ANKS1B: variants seen among roughly 807,000 people sequenced by gnomAD.
ANKS1B encodes ankyrin repeat and sterile alpha motif domain containing 1B, also known as ankyrin repeat and sterile alpha motif domain-containing protein 1B.
In ANKS1B, 36 loss-of-function variants were observed where a neutral mutation model predicts 148.3. The ratio of observed to expected loss-of-function variants is 0.24; its 90% confidence interval spans 0.19 to 0.32. The LOEUF (loss-of-function observed/expected upper bound fraction) is 0.32, where lower values mean the gene tolerates loss of function less well. Among genes scored for constraint, ANKS1B ranks in the 10% least tolerant of loss-of-function variants. ANKS1B has a pLI of 1.00. For synonymous variants in ANKS1B, 542 were observed against 560.8 expected, an observed-to-expected ratio of 0.97 and a Z score of 0.47; for missense variants, 1,157 against 1,542.6, an observed-to-expected ratio of 0.75 and a Z score of 4.19.
intron 9 of ANKS1B, among the ~76,000 whole-genome samples, chr12:99,590,258 C>CCACCCA (rs1555503127): frequency 0.096 from 12,726 of 132,252 alleles, 577 homozygotes; most frequent in Middle Eastern, 0.15. Context: ...CCACACCCAC[C>CCACCCA]CACACACACA....
intron 11 of ANKS1B, among the ~76,000 whole-genome samples, chr12:99,419,053 T>G (rs2095001138): frequency 6.6e-6 from 1 of 152,180 alleles, no homozygotes; most frequent in African/African-American, 2.4e-5. Context: ...TAGGAATTTT[T>G]TGTCTATATT....
chr12:98,894,855 C>G lies in ANKS1B; in HGVS notation c.2779-62719G>C, dbSNP rs1224474688. On this transcript the variant is annotated intron_variant, in intron 17 of 26. Coordinates refer to ENST00000683438, the MANE Select transcript of ANKS1B (RefSeq NM_001352186.2). ...GCGCCGCGCTGCGCCGAGCGCCGGG[C>G]TCTCCCCGCGAGCTCCCCGGGCCCG... 15 of 980,520 alleles carry G rather than the reference C, an allele frequency of 1.5e-5. No individual in the cohort carries two copies. In the East Asian group the frequency reaches 1.6e-3, roughly 105 times the overall value. The allele number at this position is 980,520 out of a possible 1,614,324, so 60.7% of individuals were successfully genotyped here.
chr12:99,038,536 G>C lies in ANKS1B; in HGVS notation c.2778+14621C>G, dbSNP rs527663503. ...ACAGCAGCCAAAGTGAGCCTTTCAA[G>C]CATAAACCAAACCATATCTCTCTCC... is the stretch of plus-strand genomic sequence containing the variant. On this transcript the variant is annotated intron_variant, in intron 17 of 26. Coordinates refer to ENST00000683438, the MANE Select transcript of ANKS1B (RefSeq NM_001352186.2). 1.2e-3 allele frequency among the ~76,000 whole-genome samples: 181 copies of C among 152,222 alleles called. 6 individuals carry two copies. In the South Asian group the frequency reaches 0.035, roughly 30 times the overall value.
chr12:99,216,501 A>T (rs1257688488), intron 14 of ANKS1B, among the ~76,000 whole-genome samples: 2 of 152,088 alleles, frequency 1.3e-5, no homozygotes, highest in Non-Finnish European at 2.9e-5. Flanking sequence ...TTCTTTTTTT[A>T]AAAAAATCTA....
chr12:99,715,685 C>A (rs2153543112), intron 8 of ANKS1B, among the ~76,000 whole-genome samples: 1 of 152,268 alleles, frequency 6.6e-6, no homozygotes, highest in East Asian at 1.9e-4. Context: ...AAAAGATCCA[C>A]CTATGACCTC....
intron 9 of ANKS1B, among the ~76,000 whole-genome samples, chr12:99,517,858 C>G (rs556141272): frequency 7.2e-5 from 11 of 152,200 alleles, no homozygotes; most frequent in Non-Finnish European, 1.6e-4. Flanking sequence ...GTGGGTCTGT[C>G]ATATATAGCT....
At chr12:99,040,545 G>A in intron 17 of ANKS1B, among the ~76,000 whole-genome samples, 1 of 152,128 alleles carries the variant, frequency 6.6e-6, no homozygotes, top group East Asian at 1.9e-4. Flanking sequence ...CGCCTTTCAT[G>A]ACACAATACA....
intron 1 of ANKS1B, among the ~76,000 whole-genome samples, chr12:99,960,291 C>A (rs982031750): frequency 6.6e-6 from 1 of 152,184 alleles, no homozygotes; most frequent in Non-Finnish European, 1.5e-5. Context: ...ACCATCTATG[C>A]GAGGTAAGGT....
At chr12:99,357,551 G>A (rs1036024979) in intron 12 of ANKS1B, among the ~76,000 whole-genome samples, 4 of 152,032 alleles carry the variant, frequency 2.6e-5, no homozygotes, top group South Asian at 2.1e-4. Flanking sequence ...CACCTAGAAC[G>A]CTGCCTGAGA....
At position 99,071,439 on chromosome 12, in the gene ANKS1B, G is replaced by A. The variant is rs12311421; in HGVS notation, c.2625+13486C>T. On this transcript the variant is annotated intron_variant, in intron 16 of 26. Transcript: ENST00000683438. ...GCGAATATGCTGTTTTACAGTTTTCGTGTAAATGCACACAGTTCTGCTTTT... is the reference window on the plus strand; with the variant it reads ...GCGAATATGCTGTTTTACAGTTTTCATGTAAATGCACACAGTTCTGCTTTT... Among the ~76,000 whole-genome samples the A allele has an allele frequency of 6.9e-3, 1,045 of 152,264 alleles. 15 individuals are homozygous for A. The highest frequency in any genetic ancestry group is 0.024 in the African/African-American group (985 of 41,562).
intron 15 of ANKS1B, among the ~76,000 whole-genome samples, chr12:99,103,854 T>C (rs556298556): frequency 1.4e-4 from 21 of 152,320 alleles, no homozygotes; most frequent in African/African-American, 4.3e-4. Context: ...TGAATACACA[T>C]GCAGAGATAT....
chr12:99,639,051 A>G lies in ANKS1B; in HGVS notation c.1272+16016T>C, dbSNP rs374543199. Among the ~76,000 whole-genome samples, 284 of 152,352 alleles carry G rather than the reference A, an allele frequency of 1.9e-3. 8 individuals are homozygous for G. In the South Asian group the frequency reaches 0.049, roughly 26 times the overall value. On this transcript the variant is annotated intron_variant, in intron 9 of 26. Coordinates refer to ENST00000683438, the MANE Select transcript of ANKS1B (RefSeq NM_001352186.2). Reference sequence around the variant, plus strand: ...TGGAAATGCCTGGATGTCCAGGCAGAAGTTTGCTCTAGGGGCAGAGTCCTC... The same window carrying G: ...TGGAAATGCCTGGATGTCCAGGCAGGAGTTTGCTCTAGGGGCAGAGTCCTC...
At chr12:99,740,014 T>C (rs2153579524) in intron 8 of ANKS1B, among the ~76,000 whole-genome samples, 1 of 152,274 alleles carries the variant, frequency 6.6e-6, no homozygotes, top group South Asian at 2.1e-4. Flanking sequence ...ACCTGGCACA[T>C]AAGAACTAGT....
At chr12:99,280,171 T>C (rs897204453) in intron 12 of ANKS1B, among the ~76,000 whole-genome samples, 6 of 130,884 alleles carry the variant, frequency 4.6e-5, no homozygotes, top group Admixed American at 4.3e-4. Flanking sequence ...TGTGTGTGTG[T>C]ATGTGTGTGT....
chr12:99,382,600 A>C (rs2093684080), intron 12 of ANKS1B, among the ~76,000 whole-genome samples: 1 of 149,426 alleles, frequency 6.7e-6, no homozygotes, highest in South Asian at 2.2e-4. Flanking sequence ...CCAGAGGCTG[A>C]GGCACAAGAA....
In ANKS1B at chr12:99,779,947, G is replaced by A. The variant is rs534996372; in HGVS notation, c.771C>T (p.Ser257=). The part of the protein sequence containing the change: ...ETGIDANIKD[S]LGRTVLDILK... ...GAATGTCCAAGACAGTTCTACCTAA[G>A]CTATCCTTTATGTTGGCATCAATTC... Residue 257 remains serine (S), a synonymous_variant, in exon 6 of 27, where the codon AGC becomes AGT. Coordinates refer to ENST00000683438, the MANE Select transcript of ANKS1B (RefSeq NM_001352186.2). The A allele has an allele frequency of 1.2e-6, 2 of 1,610,268 alleles. No individual in the cohort carries two copies. The highest frequency in any genetic ancestry group is 2.7e-5 in the African/African-American group (2 of 74,766).
chr12:99,680,752 C>G lies in ANKS1B; in HGVS notation c.1129-25542G>C, dbSNP rs547953589. Among the ~76,000 whole-genome samples the G allele has an allele frequency of 9.9e-5, 15 of 152,234 alleles. No homozygotes were observed. The East Asian group carries it at 2.5e-3, about 26-fold the overall frequency. The stretch of plus-strand genomic sequence containing the variant: ...TAGTGGGTAGGCTTGTAGCCTGGTA[C>G]AAGATCTCAGTACTGCTCACAGGCT... On this transcript the variant is annotated intron_variant, in intron 8 of 26. Transcript: ENST00000683438.
rs965985970 is a variant in ANKS1B, at chr12:99,862,842, A to C, written c.135-37453T>G. Among the ~76,000 whole-genome samples, 2 of 152,222 alleles carry C rather than the reference A, an allele frequency of 1.3e-5. 1 individual carries two copies. The highest frequency in any genetic ancestry group is 4.1e-4 in the South Asian group (2 of 4,836). ...CTAGGGAGGGGTGAAAAGAAGTAAA[A>C]GAACAACAATGTAAAGGAGGGGAAG... On this transcript the variant is annotated intron_variant, in intron 1 of 26. Coordinates refer to ENST00000683438, the MANE Select transcript of ANKS1B (RefSeq NM_001352186.2).
At chr12:99,895,992 A>G (rs1366398818) in intron 1 of ANKS1B, among the ~76,000 whole-genome samples, 2 of 151,210 alleles carry the variant, frequency 1.3e-5, no homozygotes, top group Non-Finnish European at 3.0e-5. Flanking sequence ...AAGGTATATA[A>G]CATGATGTTT....
Sources: gnomAD v4.1 joint callset for allele counts (sites outside exome capture counted in the v4.1 genomes callset) on GRCh38, gnomAD v4.1.1 for gene constraint, MANE v1.5 for transcripts, NCBI Gene and HGNC (gene_info 2026-07-23, HGNC 2026-07-21) for gene names.